The following NMBR variants were observed in gnomAD, a reference collection of about 807,000 sequenced individuals.
The protein encoded by NMBR is neuromedin-B receptor.
In NMBR, 16 loss-of-function variants were observed where a neutral mutation model predicts 20.5. The ratio of observed to expected loss-of-function variants is 0.78; its 90% CI spans 0.53 to 1.19. NMBR has a LOEUF of 1.19. Among genes scored for constraint, NMBR ranks in the 50% most tolerant of loss-of-function variants. NMBR has a pLI of 0.00. For synonymous variants in NMBR, 212 were observed against 196.6 expected, an observed-to-expected ratio of 1.08 and a Z score of -0.65; for missense variants, 582 against 499.1, an observed-to-expected ratio of 1.17 and a Z score of -1.58.
chr6:142,109,237 A>T (rs1359561066), intron 1 of NMBR, among the ~76,000 whole-genome samples: 1 of 152,086 alleles, frequency 6.6e-6, no homozygotes, highest in Non-Finnish European at 1.5e-5. Flanking sequence ...TCATAGTTCC[A>T]TTAAGCAATA....
chr6:142,144,660 A>C (rs933074169), intron 1 of NMBR, among the ~76,000 whole-genome samples: 1 of 152,204 alleles, frequency 6.6e-6, no homozygotes, highest in African/African-American at 2.4e-5. Flanking sequence ...ACAGTCATTA[A>C]TATTTGTTTT....
At chr6:142,112,725 G>C (rs1392641840) in intron 1 of NMBR, among the ~76,000 whole-genome samples, 1 of 152,016 alleles carries the variant, frequency 6.6e-6, no homozygotes, top group East Asian at 1.9e-4. Context: ...CCAAATCAAA[G>C]TAACAAAAGG....
At chr6:142,082,072 AT>A (rs1371058318) in intron 2 of NMBR, among the ~76,000 whole-genome samples, 2 of 152,170 alleles carry the variant, frequency 1.3e-5, no homozygotes, top group Non-Finnish European at 2.9e-5. Context: ...AAAATGGGAT[AT>A]TTTTTACCTC....
At chr6:142,095,427 T>A (rs1206033843) in intron 1 of NMBR, among the ~76,000 whole-genome samples, 1 of 152,226 alleles carries the variant, frequency 6.6e-6, no homozygotes, top group Admixed American at 6.5e-5. Context: ...GTTTTTGTCA[T>A]TGGTTCTGTT....
chr6:142,125,509 A>ATGTGCATGCATT (rs1360475474), intron 1 of NMBR, among the ~76,000 whole-genome samples: 1 of 151,420 alleles, frequency 6.6e-6, no homozygotes, highest in Non-Finnish European at 1.5e-5. Context: ...ACACATATAC[A>ATGTGCATGCATT]TACATACACA....
At chr6:142,125,521 T>TACATGTGCATGCATATACACATC (rs1554215499) in intron 1 of NMBR, among the ~76,000 whole-genome samples, 3 of 70,504 alleles carry the variant, frequency 4.3e-5, no homozygotes, top group Admixed American at 1.2e-4. Context: ...ACATACACAA[T>TACATGTGCATGCATATACACATC]TACTCATGCT....
intron 1 of NMBR, among the ~76,000 whole-genome samples, chr6:142,113,516 T>C (rs1777806295): frequency 6.6e-6 from 1 of 152,152 alleles, no homozygotes; most frequent in Non-Finnish European, 1.5e-5. Context: ...CTTTGACTCT[T>C]TCATCACCTT....
chr6:142,126,894 T>G (rs11752046), intron 1 of NMBR, among the ~76,000 whole-genome samples: 5 of 151,296 alleles, frequency 3.3e-5, no homozygotes, highest in Non-Finnish European at 5.9e-5. Flanking sequence ...TGTTGGGTTT[T>G]GGGGGGGTTT....
At chr6:142,108,986 A>ACTGTAGC (rs1777711418) in intron 1 of NMBR, among the ~76,000 whole-genome samples, 1 of 152,198 alleles carries the variant, frequency 6.6e-6, no homozygotes, top group Non-Finnish European at 1.5e-5. Flanking sequence ...GGAGAAATTG[A>ACTGTAGC]CCAAAACAAA....
intron 1 of NMBR, among the ~76,000 whole-genome samples, chr6:142,112,761 A>T (rs1056611294): frequency 3.3e-5 from 5 of 152,200 alleles, no homozygotes; most frequent in African/African-American, 1.2e-4. Context: ...TTACATCTCC[A>T]GCTTTTTATT....
chr6:142,111,523 T>G (rs1484224708), intron 1 of NMBR, among the ~76,000 whole-genome samples: 1 of 152,224 alleles, frequency 6.6e-6, no homozygotes, highest in Non-Finnish European at 1.5e-5. Flanking sequence ...GCTTGTCACT[T>G]ATGTATTTGT....
intron 1 of NMBR, among the ~76,000 whole-genome samples, chr6:142,122,159 T>C (rs72987322): frequency 6.6e-6 from 1 of 151,938 alleles, no homozygotes; most frequent in Non-Finnish European, 1.5e-5. Context: ...ATTTTGTCCA[T>C]GTTACTGACT....
At position 142,102,343 on chromosome 6, in the gene NMBR, T is replaced by C. The variant is rs577692547; in HGVS notation, c.-663-13022A>G. Among the ~76,000 whole-genome samples, 51 of 150,554 alleles carry C rather than the reference T, an allele frequency of 3.4e-4. 2 individuals are homozygous for C. The South Asian group carries it at 9.3e-3, about 28-fold the overall frequency. On this transcript the variant is annotated intron_variant, in intron 1 of 3. Coordinates refer to ENST00000258042, the MANE Select transcript of NMBR (RefSeq NM_002511.4). ...AGGTGGAGCTTGCAAGGAGCCAAGA[T>C]TGGGCCACTGCACTCCAGCCTGGGT...
intron 1 of NMBR, among the ~76,000 whole-genome samples, chr6:142,111,415 T>C (rs921637935): frequency 1.3e-5 from 2 of 152,148 alleles, no homozygotes; most frequent in African/African-American, 2.4e-5. Flanking sequence ...CCAAACAAAA[T>C]TAAATGATTT....
At chr6:142,107,614 T>A (rs986372725) in intron 1 of NMBR, among the ~76,000 whole-genome samples, 1 of 152,188 alleles carries the variant, frequency 6.6e-6, no homozygotes, top group African/African-American at 2.4e-5. Flanking sequence ...AAGTTCCATA[T>A]ACAGATTTAC....
At chr6:142,101,446 A>C (rs1777562717) in intron 1 of NMBR, among the ~76,000 whole-genome samples, 1 of 152,158 alleles carries the variant, frequency 6.6e-6, no homozygotes, top group African/African-American at 2.4e-5. Flanking sequence ...TGGTCTCAAA[A>C]CCCATTGGGA....
intron 1 of NMBR, among the ~76,000 whole-genome samples, chr6:142,102,105 G>T (rs1422267773): frequency 1.3e-5 from 2 of 152,042 alleles, no homozygotes; most frequent in African/African-American, 4.8e-5. Flanking sequence ...GAGTCTACTT[G>T]CAGCTGGGCG....
chr6:142,140,157 CAAAA>C (rs1778341296), intron 1 of NMBR, among the ~76,000 whole-genome samples: 1 of 151,538 alleles, frequency 6.6e-6, no homozygotes, highest in Admixed American at 6.6e-5. Context: ...CAAAGATAAA[CAAAA>C]ATAATTTAAT....
At chr6:142,105,053 C>T (rs1777634684) in intron 1 of NMBR, among the ~76,000 whole-genome samples, 1 of 148,300 alleles carries the variant, frequency 6.7e-6, no homozygotes, top group African/African-American at 2.5e-5. Context: ...GAGGATATTA[C>T]AAAGTACCTT....
Sources: gnomAD v4.1 joint callset for allele counts (sites outside exome capture counted in the v4.1 genomes callset) on GRCh38, gnomAD v4.1.1 for gene constraint, MANE v1.5 for transcripts, NCBI Gene and HGNC (gene_info 2026-07-23, HGNC 2026-07-21) for gene names.